The following UTRN variants were observed in gnomAD, a reference collection of about 807,000 sequenced individuals.
The protein encoded by UTRN is dystrophin-related protein 1.
Under a neutral mutation model 463.9 loss-of-function variants are expected in UTRN, and 283 were observed. That is an observed-to-expected ratio of 0.61 (90% CI 0.55 to 0.67). The LOEUF is 0.67. UTRN is among the 30% of genes least tolerant of loss of function. The probability of loss-of-function intolerance (pLI) is 0.00; values close to 1 mark genes in which losing one functional copy is unlikely to be tolerated. For missense variants in UTRN, 3,922 were observed against 4,084.3 expected (o/e 0.96, Z 1.08); for synonymous variants, 1,442 against 1,431.5 (o/e 1.01, Z -0.17).
chr6:144,465,055 C>T (rs1385894462), intron 23 of UTRN, among the ~76,000 whole-genome samples: 1 of 152,288 alleles, frequency 6.6e-6, no homozygotes, highest in South Asian at 2.1e-4. Flanking sequence ...AGCTAAACAT[C>T]CCACCATGTA....
At chr6:144,529,450 A>G (rs1796848962) in intron 41 of UTRN, among the ~76,000 whole-genome samples, 1 of 151,896 alleles carries the variant, frequency 6.6e-6, no homozygotes, top group African/African-American at 2.4e-5. Context: ...TGCAAGTTAG[A>G]CCTTCCTCCT....
chr6:144,338,260 A>G (rs1017586543), intron 2 of UTRN, among the ~76,000 whole-genome samples: 1 of 152,098 alleles, frequency 6.6e-6, no homozygotes, highest in African/African-American at 2.4e-5. Context: ...TTTAATGTCA[A>G]CATGAAGAGT....
In UTRN at chr6:144,781,920, A is replaced by G. The variant is rs1407904798; in HGVS notation, c.8633-2A>G. The G allele has an allele frequency of 1.9e-6, 3 of 1,612,234 alleles. No individual in the cohort carries two copies. ...AAACATTCCTTCTTCTCTCCTGGTT[A>G]GTGGATCTCTTAGAGTTGAGTACAA... is the stretch of plus-strand genomic sequence containing the variant. On this transcript the variant is annotated splice_acceptor_variant, in intron 60 of 74. Transcript: ENST00000367545. LOFTEE classifies it high-confidence loss of function.
intron 41 of UTRN, among the ~76,000 whole-genome samples, chr6:144,528,082 C>T (rs1430056767): frequency 1.4e-5 from 2 of 142,052 alleles, no homozygotes; most frequent in Non-Finnish European, 3.0e-5. Context: ...GTTGCCCAGG[C>T]TGGAGTTGCA....
At chr6:144,427,447 G>A (rs766320103) in intron 7 of UTRN, among the ~76,000 whole-genome samples, 13 of 152,124 alleles carry the variant, frequency 8.5e-5, no homozygotes, top group Non-Finnish European at 1.3e-4. Context: ...TTTGTCTCTA[G>A]ATTGTAGGTT....
intron 54 of UTRN, among the ~76,000 whole-genome samples, chr6:144,738,933 C>G (rs1789742719): frequency 6.6e-6 from 1 of 152,104 alleles, no homozygotes; most frequent in African/African-American, 2.4e-5. Flanking sequence ...TCTATTTGTG[C>G]ATGTATAGTT....
At position 144,797,876 on chromosome 6, in the gene UTRN, TG is replaced by T. The variant is rs763626879; in HGVS notation, c.9133del (p.Glu3045AsnfsTer119). 6.2e-7 allele frequency: 1 copy of T among 1,614,220 alleles called. No homozygotes were observed. The highest frequency in any genetic ancestry group is 1.7e-5 in the Admixed American group (1 of 60,038). ...SVKEFIDWMH[L>X]EPQSMVWLPV... ...AAAGAGTTTATAGATTGGATGCATT[TG>T]GAACCACAGTCCATGGTTTGGCTCC... On this transcript the variant is annotated frameshift_variant, in exon 64 of 75. Transcript: ENST00000367545. LOFTEE classifies it high-confidence loss of function.
chr6:144,461,298 C>G lies in UTRN; in HGVS notation c.2809C>G (p.Leu937Val). 6.3e-7 allele frequency: 1 copy of G among 1,595,170 alleles called. No individual in the cohort carries two copies. The highest frequency in any genetic ancestry group is 1.7e-5 in the Admixed American group (1 of 58,946). ...ENKAQVSLNV[L>V]NDLAKVEKAL... ...TAAGGCCCAGGTGTCTCTGAATGTC[C>G]TTAATGATCTTGCCAAGGTGGAGAA... Residue 937 changes from leucine (L) to valine (V), a missense_variant, in exon 22 of 75, where the codon CTT becomes GTT. This residue lies in a region of UTRN where 2,349 missense variants were observed against 2,303.8 expected (regional missense o/e 1.02). Coordinates refer to ENST00000367545, the MANE Select transcript of UTRN (RefSeq NM_007124.3).
intron 23 of UTRN, among the ~76,000 whole-genome samples, chr6:144,470,913 G>GCACT (rs1273541657): frequency 6.6e-6 from 1 of 151,584 alleles, no homozygotes; most frequent in Non-Finnish European, 1.5e-5. Context: ...GCGATCCCAG[G>GCACT]CACTCGGCAG....
chr6:144,439,139 C>A (rs1011909402), intron 12 of UTRN, among the ~76,000 whole-genome samples: 4 of 152,142 alleles, frequency 2.6e-5, no homozygotes, highest in African/African-American at 9.7e-5. Context: ...AGCTTTCATA[C>A]AACTGGAGAA....
intron 2 of UTRN, 110 bp from the exon 3 acceptor site, chr6:144,403,013 A>T: frequency 1.1e-6 from 1 of 941,890 alleles, no homozygotes; most frequent in Non-Finnish European, 1.6e-6. Flanking sequence ...AAGGAGCTCG[A>T]CTAATAGGAC....
intron 74 of UTRN, 81 bp from the exon 75 acceptor site, chr6:144,850,908 T>C (rs1782438724): frequency 6.3e-7 from 1 of 1,586,166 alleles, no homozygotes; most frequent in South Asian, 1.1e-5. Context: ...AGCACTTTTA[T>C]TTTCTTGAAG....
intron 1 of UTRN, among the ~76,000 whole-genome samples, chr6:144,287,439 G>A (rs1480576010): frequency 1.3e-5 from 2 of 152,080 alleles, no homozygotes; most frequent in African/African-American, 4.8e-5. Context: ...ACTCTTGTCC[G>A]CTTGGCTTCC....
chr6:144,635,074 T>C (rs1394624141), intron 51 of UTRN, among the ~76,000 whole-genome samples: 1 of 152,054 alleles, frequency 6.6e-6, no homozygotes, highest in East Asian at 1.9e-4. Flanking sequence ...ATGGGAATAT[T>C]GTCACCTAGT....
At chr6:144,686,827 T>G (rs1782810996) in intron 52 of UTRN, among the ~76,000 whole-genome samples, 1 of 152,138 alleles carries the variant, frequency 6.6e-6, no homozygotes, top group Non-Finnish European at 1.5e-5. Context: ...TTGGGTGTTT[T>G]TATCCATTCT....
chr6:144,542,133 G>T (rs1213783715), intron 45 of UTRN, among the ~76,000 whole-genome samples: 1 of 152,154 alleles, frequency 6.6e-6, no homozygotes, highest in Non-Finnish European at 1.5e-5. Flanking sequence ...TTGAAATATT[G>T]CTATAGCTTC....
intron 51 of UTRN, among the ~76,000 whole-genome samples, chr6:144,635,542 T>TTTTTTTTTTTTTTTTTTTTTTG (rs1777077527): frequency 1.4e-5 from 1 of 73,992 alleles, no homozygotes; most frequent in African/African-American, 6.2e-5. Flanking sequence ...TTTCTTTTTT[T>TTTTTTTTTTTTTTTTTTTTTTG]TTTTTTTTTT....
intron 65 of UTRN, 36 bp from the exon 66 acceptor site, chr6:144,820,846 T>A: frequency 6.3e-7 from 1 of 1,592,060 alleles, no homozygotes; most frequent in South Asian, 1.1e-5. Flanking sequence ...GCCTTCCATT[T>A]TACTGAGAGA....
intron 44 of UTRN, 86 bp from the exon 45 acceptor site, chr6:144,539,208 T>A (rs1797792721): frequency 1.5e-6 from 2 of 1,362,528 alleles, no homozygotes; most frequent in Non-Finnish European, 9.8e-7. Flanking sequence ...ACATTTGTAA[T>A]AATACCAAAA....
Sources: allele counts gnomAD v4.1 joint callset (sites outside exome capture counted in the v4.1 genomes callset), GRCh38; gene constraint gnomAD v4.1.1; regional missense constraint gnomAD v4.1.1; transcripts MANE v1.5; gene names NCBI Gene and HGNC (gene_info 2026-07-23, HGNC 2026-07-21).